The following NEK10 variants were observed in gnomAD, a reference collection of about 807,000 sequenced individuals.
The protein encoded by NEK10 is serine/threonine-protein kinase Nek10.
Under a neutral mutation model 159.8 loss-of-function variants are expected in NEK10, and 122 were observed. That is an observed-to-expected ratio of 0.76 (90% CI 0.66 to 0.89). The LOEUF (loss-of-function observed/expected upper bound fraction) is 0.89, where lower values mean the gene tolerates loss of function less well. Among genes scored for constraint, NEK10 ranks in the 40% least tolerant of loss-of-function variants. The pLI is 0.00. For missense variants in NEK10, 1,342 were observed against 1,323.1 expected, an observed-to-expected ratio of 1.01 and a Z score of -0.22; for synonymous variants, 466 against 457.1, an observed-to-expected ratio of 1.02 and a Z score of -0.25.
intron 8 of NEK10, 115 bp from the exon 9 acceptor site, chr3:27,311,131 G>T (rs1575691799): frequency 3.3e-6 from 2 of 601,018 alleles, no homozygotes; most frequent in East Asian, 5.8e-5. Flanking sequence ...AGGGAACACA[G>T]CACAAAAGGA....
At chr3:27,257,105 G>T (rs57720190) in intron 22 of NEK10, among the ~76,000 whole-genome samples, 1 of 151,876 alleles carries the variant, frequency 6.6e-6, no homozygotes. Context: ...TAGTAGAGAC[G>T]TGGTTTTACC....
intron 23 of NEK10, among the ~76,000 whole-genome samples, chr3:27,228,173 A>G (rs1407148397): frequency 6.6e-6 from 1 of 152,212 alleles, no homozygotes; most frequent in African/African-American, 2.4e-5. Context: ...TTAATGCTGT[A>G]TCAGGCAAGA....
At chr3:27,158,452 G>A (rs1470944361) in intron 30 of NEK10, among the ~76,000 whole-genome samples, 3 of 152,134 alleles carry the variant, frequency 2.0e-5, no homozygotes, top group Non-Finnish European at 4.4e-5. Context: ...TAGAATGTTA[G>A]CTATGCTTTC....
rs113761826 is a variant in NEK10 at position 27,109,147 on chromosome 3, G to A, written c.*2125C>T. Among the ~76,000 whole-genome samples the A allele has an allele frequency of 0.024, 3,710 of 152,212 alleles. 148 individuals are homozygous for A. Among genetic ancestry groups the A allele is most frequent in the African/African-American group, 0.084 (3,508 of 41,516 alleles). On this transcript the variant is annotated 3_prime_UTR_variant, in exon 36 of 36. Transcript: ENST00000691995. The stretch of plus-strand genomic sequence containing the variant: ...TAATCCCAGCACTTTGGGAGGCCGA[G>A]GCAGGCAGATCACCTGAGGTCAGGA...
rs572802880 is a variant in NEK10 at position 27,347,731 on chromosome 3, G to T, written c.133-1515C>A. Reference sequence around the variant, plus strand: ...TAAAACTACTTTTCTATCTCAATTCGGTCAGCCAATCTACAACCACCAAAA... The same window carrying T: ...TAAAACTACTTTTCTATCTCAATTCTGTCAGCCAATCTACAACCACCAAAA... On this transcript the variant is annotated intron_variant, in intron 3 of 35. Transcript: ENST00000691995. 4.5e-4 allele frequency among the ~76,000 whole-genome samples: 68 copies of T among 151,924 alleles called. No individual in the cohort carries two copies. The South Asian group carries it at 6.2e-3, about 14-fold the overall frequency.
At chr3:27,125,009 G>A (rs1225536115) in intron 32 of NEK10, among the ~76,000 whole-genome samples, 1 of 152,066 alleles carries the variant, frequency 6.6e-6, no homozygotes, top group Non-Finnish European at 1.5e-5. Context: ...GCCTCCTTCT[G>A]AGTTGACAAT....
chr3:27,314,260 G>A, intron 7 of NEK10, 37 bp downstream of exon 7: 15 of 1,530,126 alleles, frequency 9.8e-6, no homozygotes, highest in Non-Finnish European at 1.3e-5. Flanking sequence ...GGCACAAAAT[G>A]AAAAGGCAAG....
chr3:27,293,070 G>A (rs2043113468), intron 16 of NEK10, among the ~76,000 whole-genome samples: 3 of 152,088 alleles, frequency 2.0e-5, no homozygotes, highest in Admixed American at 2.0e-4. Context: ...TCCCGAAATG[G>A]TGACCTTTTG....
intron 5 of NEK10, among the ~76,000 whole-genome samples, chr3:27,332,029 A>G (rs932835336): frequency 5.9e-5 from 9 of 152,216 alleles, no homozygotes; most frequent in Non-Finnish European, 1.2e-4. Context: ...AAGTTTACCT[A>G]CACAAAAGTT....
intron 12 of NEK10, among the ~76,000 whole-genome samples, chr3:27,302,524 T>C (rs529707194): frequency 6.6e-6 from 1 of 152,358 alleles, no homozygotes; most frequent in South Asian, 2.1e-4. Flanking sequence ...TCTCATTTCA[T>C]AAATTCATGC....
intron 26 of NEK10, among the ~76,000 whole-genome samples, chr3:27,178,006 A>C (rs1947695739): frequency 6.6e-6 from 1 of 152,158 alleles, no homozygotes; most frequent in Non-Finnish European, 1.5e-5. Flanking sequence ...GCATGCATCT[A>C]TCCTAGGAAT....
At chr3:27,113,435 C>A (rs1238110685) in intron 35 of NEK10, among the ~76,000 whole-genome samples, 64 of 81,498 alleles carry the variant, frequency 7.9e-4, no homozygotes, top group South Asian at 1.1e-3. Context: ...GATTCCATCT[C>A]AAAAAAAAAA....
intron 26 of NEK10, among the ~76,000 whole-genome samples, chr3:27,187,516 G>A (rs114395279): frequency 1.5e-3 from 234 of 152,208 alleles, no homozygotes; most frequent in African/African-American, 5.3e-3. Context: ...CAAGGGAAGC[G>A]TAAGAGAGGC....
At chr3:27,313,714 G>T (rs758941771) in intron 7 of NEK10, among the ~76,000 whole-genome samples, 2 of 151,958 alleles carry the variant, frequency 1.3e-5, no homozygotes, top group Non-Finnish European at 2.9e-5. Context: ...TCCAGCCATC[G>T]CCCCTTTTGT....
At chr3:27,118,707 T>G (rs1273573741) in intron 33 of NEK10, among the ~76,000 whole-genome samples, 1 of 152,244 alleles carries the variant, frequency 6.6e-6, no homozygotes, top group East Asian at 1.9e-4. Flanking sequence ...CGGAGAAGTT[T>G]GACCTGCAGA....
intron 22 of NEK10, among the ~76,000 whole-genome samples, chr3:27,277,512 G>C (rs1261249301): frequency 1.3e-5 from 2 of 152,034 alleles, no homozygotes; most frequent in Non-Finnish European, 2.9e-5. Flanking sequence ...ATAAGTCTTT[G>C]ACCAAGCTCC....
intron 30 of NEK10, among the ~76,000 whole-genome samples, chr3:27,161,802 C>T (rs1196329734): frequency 6.6e-6 from 1 of 152,062 alleles, no homozygotes; most frequent in African/African-American, 2.4e-5. Flanking sequence ...GTCAAGAGTT[C>T]AAGGCCAGCC....
At chr3:27,303,269 A>G (rs749759469) in intron 12 of NEK10, among the ~76,000 whole-genome samples, 11 of 152,232 alleles carry the variant, frequency 7.2e-5, no homozygotes, top group Non-Finnish European at 1.5e-5. Flanking sequence ...TGACTTCAGC[A>G]AAAGAAGAAA....
At chr3:27,332,660 T>A (rs1045797307) in intron 5 of NEK10, among the ~76,000 whole-genome samples, 1 of 152,226 alleles carries the variant, frequency 6.6e-6, no homozygotes, top group African/African-American at 2.4e-5. Flanking sequence ...AGGAATGGAC[T>A]AACAAAGAGG....
Sources: allele counts gnomAD v4.1 joint callset (sites outside exome capture counted in the v4.1 genomes callset), GRCh38; gene constraint gnomAD v4.1.1; transcripts MANE v1.5; gene names NCBI Gene and HGNC (gene_info 2026-07-23, HGNC 2026-07-21).